PKHD1: variants seen among roughly 807,000 people sequenced by gnomAD.
PKHD1 encodes fibrocystin.
A neutral mutation model predicts 412.0 loss-of-function variants in PKHD1; 291 were observed. The observed-to-expected ratio is 0.71, with a 90% CI of 0.64 to 0.78. The LOEUF is 0.78. Among genes scored for constraint, PKHD1 ranks in the 30% least tolerant of loss-of-function variants. The pLI is 0.00. For synonymous variants in PKHD1, 1,777 were observed against 1,821.5 expected (o/e 0.98, Z 0.62); for missense variants, 4,825 against 4,950.7 (o/e 0.97, Z 0.76).
intron 60 of PKHD1, among the ~76,000 whole-genome samples, chr6:51,661,292 GATAGAT>G (rs1160744814): frequency 1.3e-5 from 2 of 152,052 alleles, no homozygotes; most frequent in Admixed American, 6.6e-5. Flanking sequence ...TACAGATTTA[GATAGAT>G]ATAGATATAG....
At chr6:51,938,614 C>T (rs1009000082) in intron 36 of PKHD1, among the ~76,000 whole-genome samples, 1 of 151,324 alleles carries the variant, frequency 6.6e-6, no homozygotes, top group African/African-American at 2.4e-5. Context: ...AGCCCACCTG[C>T]ACCCAGGTGA....
At chr6:51,892,372 G>A (rs1779247311) in intron 43 of PKHD1, among the ~76,000 whole-genome samples, 1 of 152,180 alleles carries the variant, frequency 6.6e-6, no homozygotes, top group Non-Finnish European at 1.5e-5. Context: ...GTCAATCAGG[G>A]ATGACTTTGT....
intron 35 of PKHD1, among the ~76,000 whole-genome samples, chr6:51,989,977 A>AAGGAGGGAGGGAGGGAGGG (rs1562073808): frequency 8.5e-6 from 1 of 117,970 alleles, no homozygotes; most frequent in Non-Finnish European, 1.9e-5. Flanking sequence ...GGAAGGAAGG[A>AAGGAGGGAGGGAGGGAGGG]AGGAAGGGAG....
rs370436973 is a variant in PKHD1 at position 52,046,132 on chromosome 6, C to A, written c.2464G>T (p.Asp822Tyr). The change falls in exon 24 of 67, where the codon GAT (aspartate) becomes TAT (tyrosine). Residue 822 changes from aspartate to tyrosine, a missense_variant. Asp to Tyr is a radical substitution (Grantham distance 160). Transcript: ENST00000371117. ...TTGAGGTACCTGGATGTGAAGTCAT[C>A]GGCATTATTCTGTAAGAGCTGGTGA... Reference protein sequence around the residue: ...HLHQLLQNNADDFTSRYLNAS... With the variant: ...HLHQLLQNNAYDFTSRYLNAS... 6 of 1,613,412 alleles carry A rather than the reference C, an allele frequency of 3.7e-6. No homozygotes were observed. The highest frequency in any genetic ancestry group is 5.1e-6 in the Non-Finnish European group (6 of 1,179,414).
chr6:51,638,179 G>C (rs1169488391), intron 64 of PKHD1, among the ~76,000 whole-genome samples: 1 of 151,982 alleles, frequency 6.6e-6, no homozygotes, highest in Non-Finnish European at 1.5e-5. Flanking sequence ...TGCTTTTATT[G>C]CCCTGTATCC....
At chr6:52,082,575 A>G in intron 3 of PKHD1, 33 bp from the exon 4 acceptor site, 3 of 1,610,842 alleles carry the variant, frequency 1.9e-6, no homozygotes, top group South Asian at 1.1e-5. Context: ...CAGGCTGCAT[A>G]GAATTGTCAT....
chr6:51,823,198 A>G (rs1766743190), intron 52 of PKHD1, among the ~76,000 whole-genome samples: 1 of 152,150 alleles, frequency 6.6e-6, no homozygotes, highest in South Asian at 2.1e-4. Context: ...AAGGTGCCCA[A>G]TACGGTCACA....
At chr6:51,638,369 A>G (rs1768863229) in intron 64 of PKHD1, among the ~76,000 whole-genome samples, 1 of 152,004 alleles carries the variant, frequency 6.6e-6, no homozygotes, top group African/African-American at 2.4e-5. Context: ...TTTTTTTTAC[A>G]TGTTTTGTCA....
chr6:51,731,943 A>T (rs1264713510), intron 60 of PKHD1, among the ~76,000 whole-genome samples: 1 of 152,158 alleles, frequency 6.6e-6, no homozygotes, highest in African/African-American at 2.4e-5. Context: ...CTACTTTTTC[A>T]GTTGCAAAGT....
intron 35 of PKHD1, among the ~76,000 whole-genome samples, chr6:51,994,386 C>T (rs937721400): frequency 3.9e-5 from 6 of 152,194 alleles, no homozygotes; most frequent in Non-Finnish European, 7.3e-5. Context: ...CCGCCCACCT[C>T]GGCCTCCCAG....
intron 34 of PKHD1, among the ~76,000 whole-genome samples, chr6:52,012,458 A>G (rs1297000820): frequency 1.3e-5 from 2 of 152,214 alleles, no homozygotes; most frequent in Non-Finnish European, 2.9e-5. Context: ...CTGTAAATCC[A>G]TTCGCTGATC....
intron 1 of PKHD1, among the ~76,000 whole-genome samples, chr6:52,085,937 T>C (rs1812705319): frequency 6.6e-6 from 1 of 151,928 alleles, no homozygotes; most frequent in Non-Finnish European, 1.5e-5. Flanking sequence ...ATAGTGCCTC[T>C]GAAATTTTCT....
intron 58 of PKHD1, 53 bp downstream of exon 58, chr6:51,747,734 T>G: frequency 6.6e-7 from 1 of 1,514,034 alleles, no homozygotes; most frequent in Non-Finnish European, 9.2e-7. Flanking sequence ...CATTAAAAAT[T>G]TTATGCATGG....
intron 35 of PKHD1, among the ~76,000 whole-genome samples, chr6:51,997,540 T>C (rs1797848751): frequency 6.6e-6 from 1 of 152,252 alleles, no homozygotes; most frequent in South Asian, 2.1e-4. Flanking sequence ...AAATATATTC[T>C]TTATTTGAGG....
chr6:52,051,731 T>C (rs1376251934), intron 21 of PKHD1, among the ~76,000 whole-genome samples: 1 of 152,188 alleles, frequency 6.6e-6, no homozygotes, highest in Non-Finnish European at 1.5e-5. Context: ...TATTATCCAG[T>C]CCTGAGTTTT....
At chr6:51,863,304 G>C (rs984085092) in intron 48 of PKHD1, among the ~76,000 whole-genome samples, 9 of 152,096 alleles carry the variant, frequency 5.9e-5, no homozygotes, top group African/African-American at 2.2e-4. Context: ...AGAAGGACTG[G>C]TCAGCCAACC....
At chr6:51,921,127 T>C (rs1218401150) in intron 37 of PKHD1, among the ~76,000 whole-genome samples, 4 of 152,150 alleles carry the variant, frequency 2.6e-5, no homozygotes, top group Non-Finnish European at 5.9e-5. Context: ...TCTCCTTCAG[T>C]TTTCCTCTGA....
At chr6:51,862,488 G>T (rs1425305384) in intron 48 of PKHD1, among the ~76,000 whole-genome samples, 1 of 152,148 alleles carries the variant, frequency 6.6e-6, no homozygotes, top group Non-Finnish European at 1.5e-5. Context: ...GGACTGAAAA[G>T]ATACCATTAG....
chr6:51,854,728 T>TA (rs1388945178), intron 49 of PKHD1, among the ~76,000 whole-genome samples: 1 of 152,202 alleles, frequency 6.6e-6, no homozygotes, highest in East Asian at 1.9e-4. Context: ...CCACAGCTGG[T>TA]ATGTTGGGCT....
Sources: allele counts gnomAD v4.1 joint callset (sites outside exome capture counted in the v4.1 genomes callset), GRCh38; gene constraint gnomAD v4.1.1; transcripts MANE v1.5; gene names NCBI Gene and HGNC (gene_info 2026-07-23, HGNC 2026-07-21).